The following PEX5 variants were observed in gnomAD, a reference collection of about 807,000 sequenced individuals.
The protein encoded by PEX5 is peroxisomal biogenesis factor 5.
A neutral mutation model predicts 82.9 loss-of-function variants in PEX5; 52 were observed. The observed-to-expected ratio is 0.63, with a 90% confidence interval of 0.50 to 0.79. The LOEUF is 0.79. Ranked by LOEUF, PEX5 falls within the 30% of genes least tolerant of loss-of-function variation. The pLI, the probability that PEX5 is intolerant of heterozygous loss-of-function variation, is 0.00. For synonymous variants in PEX5, 300 were observed against 318.8 expected (o/e 0.94, Z 0.63); for missense variants, 719 against 815.2 (o/e 0.88, Z 1.44).
In PEX5 at chr12:7,210,458, A is replaced by G; in HGVS notation, c.*235A>G. 1.7e-6 allele frequency: 1 copy of G among 602,550 alleles called. No individual in the cohort carries two copies. Among genetic ancestry groups the G allele is most frequent in the Non-Finnish European group, 3.0e-6 (1 of 334,544 alleles). The allele number at this position is 602,550 out of a possible 1,614,324, so 37.3% of individuals were successfully genotyped here. ...TTGGTAATTCAAGGGCTGTACATCC[A>G]GCTACAGATCTCTCTGCTCATCATG... On this transcript the variant is annotated 3_prime_UTR_variant, in exon 16 of 16. Coordinates refer to ENST00000675855, the MANE Select transcript of PEX5 (RefSeq NM_001351132.2).
In PEX5 at chr12:7,191,557, C is replaced by T; in HGVS notation, c.317-12C>T. 6.2e-7 allele frequency: 1 copy of T among 1,613,976 alleles called. No individual in the cohort carries two copies. Among genetic ancestry groups the T allele is most frequent in the Non-Finnish European group, 8.5e-7 (1 of 1,179,948 alleles). On this transcript the variant is annotated splice_polypyrimidine_tract_variant and intron_variant, in intron 4 of 15. Coordinates refer to ENST00000675855, the MANE Select transcript of PEX5 (RefSeq NM_001351132.2). Reference sequence around the variant, plus strand: ...TGTATTCTTTCTTAGTTTTCTCTCTCTCTCTTTTAAGCCCCTGGTGTGGCA... The same window carrying T: ...TGTATTCTTTCTTAGTTTTCTCTCTTTCTCTTTTAAGCCCCTGGTGTGGCA...
intron 10 of PEX5, 92 bp downstream of exon 10, chr12:7,203,643 T>G: frequency 1.6e-6 from 2 of 1,272,834 alleles, no homozygotes; most frequent in Non-Finnish European, 2.2e-6. Context: ...TGCTTTTAAG[T>G]ATTTTCTTGA....
intron 5 of PEX5, among the ~76,000 whole-genome samples, chr12:7,192,562 C>T (rs965006823): frequency 5.3e-5 from 8 of 152,178 alleles, no homozygotes; most frequent in African/African-American, 1.9e-4. Context: ...GTCTCTTCAG[C>T]TTTCCTCTTC....
rs1555176221 is a variant in PEX5, at chr12:7,197,418, T to TATATGTCATATACAATGTAA, written c.449-1593_449-1592insATATGTCATATACAATGTAA. The stretch of plus-strand genomic sequence containing the variant: ...TATATATATGTCATATACAATGTAA[T>TATATGTCATATACAATGTAA]TATATGTCATATACAATGTAATTAT... On this transcript the variant is annotated intron_variant, in intron 5 of 15. Coordinates refer to ENST00000675855, the MANE Select transcript of PEX5 (RefSeq NM_001351132.2). Among the ~76,000 whole-genome samples, 6 of 28,890 alleles carry TATATGTCATATACAATGTAA rather than the reference T, an allele frequency of 2.1e-4. No homozygotes were observed. In the South Asian group the frequency reaches 5.5e-3, roughly 26 times the overall value. 19.0% of individuals were successfully genotyped at this position (28,890 alleles called of 152,430 possible).
At chr12:7,190,104 C>A in intron 1 of PEX5, 2 of 1,489,166 alleles carry the variant, frequency 1.3e-6, no homozygotes, top group South Asian at 2.6e-5. Context: ...TGCTGGCCCC[C>A]AGCCCATGGG....
chr12:7,191,801 CAT>C, intron 5 of PEX5, 101 bp downstream of exon 5: 3 of 1,131,842 alleles, frequency 2.7e-6, no homozygotes, highest in Non-Finnish European at 4.0e-6. Context: ...TTTCTGGTCT[CAT>C]GACTCATTTC....
chr12:7,201,119 G>A (rs950305278), intron 6 of PEX5, among the ~76,000 whole-genome samples: 3 of 148,278 alleles, frequency 2.0e-5, no homozygotes, highest in East Asian at 2.0e-4. Context: ...AACCAAAAGC[G>A]CATGCATGTG....
At chr12:7,190,004 T>C (rs1287407146) in intron 1 of PEX5, 1 of 1,504,338 alleles carries the variant, frequency 6.6e-7, no homozygotes, top group South Asian at 1.3e-5. Context: ...GTTTTCCCAC[T>C]GTCCCTTCTT....
chr12:7,210,450 G>A lies in PEX5; in HGVS notation c.*227G>A. ...TGAGTCCCTTGGTAATTCAAGGGCT[G>A]TACATCCAGCTACAGATCTCTCTGC... is the stretch of plus-strand genomic sequence containing the variant. On this transcript the variant is annotated 3_prime_UTR_variant, in exon 16 of 16. Coordinates refer to ENST00000675855, the MANE Select transcript of PEX5 (RefSeq NM_001351132.2). 1 of 611,326 alleles carries A rather than the reference G, an allele frequency of 1.6e-6. No individual in the cohort carries two copies. Among genetic ancestry groups the A allele is most frequent in the Non-Finnish European group, 2.9e-6 (1 of 339,116 alleles). The allele number at this position is 611,326 out of a possible 1,614,324, so 37.9% of individuals were successfully genotyped here.
intron 17 of PEX5, among the ~76,000 whole-genome samples, chr12:7,217,978 G>T (rs1281634444): frequency 6.6e-6 from 1 of 152,188 alleles, no homozygotes; most frequent in Non-Finnish European, 1.5e-5. Flanking sequence ...TGCAGAGTGG[G>T]ATGGCAACTT....
intron 6 of PEX5, among the ~76,000 whole-genome samples, chr12:7,200,964 T>C (rs1299200420): frequency 6.6e-6 from 1 of 152,146 alleles, no homozygotes; most frequent in Non-Finnish European, 1.5e-5. Flanking sequence ...CCCCTTGGGT[T>C]ATTACTCCTG....
At chr12:7,196,103 ATTTC>A (rs997124243) in intron 5 of PEX5, among the ~76,000 whole-genome samples, 14 of 118,584 alleles carry the variant, frequency 1.2e-4, no homozygotes, top group African/African-American at 3.7e-4. Context: ...GTTATAACGT[ATTTC>A]TTATTACATT....
downstream of PEX5, among the ~76,000 whole-genome samples, chr12:7,213,986 TG>T (rs1305790207): frequency 5.4e-5 from 3 of 55,832 alleles, no homozygotes; most frequent in East Asian, 8.6e-4. Flanking sequence ...TCACCATCAC[TG>T]GCCATCAGAG....
chr12:7,202,625 C>T lies in PEX5; in HGVS notation c.767C>T (p.Ala256Val). ...TTTTTGTCGCAGGGTACATCAGATG[C>T]CTGGGTTGACCAGTTCACAAGACCA... ...EFIQQQGTSD[A>V]WVDQFTRPVN... The change falls in exon 9 of 16, where the codon GCC becomes GTC. Residue 256 changes from alanine to valine, a missense_variant. Transcript: ENST00000675855. 4 of 1,613,918 alleles carry T rather than the reference C, an allele frequency of 2.5e-6. No individual in the cohort carries two copies. Among genetic ancestry groups the T allele is most frequent in the Non-Finnish European group, 3.4e-6 (4 of 1,179,874 alleles).
Position 7,208,875 on chromosome 12 carries a change from G to A in PEX5, c.1395-130G>A, listed in dbSNP as rs76765198. On this transcript the variant is annotated intron_variant, in intron 13 of 15. Coordinates refer to ENST00000675855, the MANE Select transcript of PEX5 (RefSeq NM_001351132.2). ...AAAACAGGCTTCTATATTGGACTTTGAGAGTAGAAGAGATGACTGATAGAT... is the reference window on the plus strand; with the variant it reads ...AAAACAGGCTTCTATATTGGACTTTAAGAGTAGAAGAGATGACTGATAGAT... 8.3e-5 allele frequency: 81 copies of A among 970,934 alleles called. 1 individual carries two copies. The East Asian group carries it at 1.9e-3, about 22-fold the overall frequency. The allele number at this position is 970,934 out of a possible 1,614,324, so 60.1% of individuals were successfully genotyped here.
At chr12:7,197,230 CAT>C (rs1403069383) in intron 5 of PEX5, among the ~76,000 whole-genome samples, 1 of 43,788 alleles carries the variant, frequency 2.3e-5, no homozygotes, top group East Asian at 3.7e-4. Flanking sequence ...TTATATATGT[CAT>C]ATGTAATAAT....
intron 5 of PEX5, among the ~76,000 whole-genome samples, chr12:7,196,264 CATA>C (rs1209837864): frequency 1.3e-4 from 2 of 15,326 alleles, no homozygotes; most frequent in Admixed American, 1.0e-3. Context: ...TTATATATGT[CATA>C]ATTTATATAT....
chr12:7,217,905 C>T (rs934209821), intron 17 of PEX5, among the ~76,000 whole-genome samples: 4 of 152,240 alleles, frequency 2.6e-5, no homozygotes, highest in African/African-American at 4.8e-5. Context: ...AGTCCCTTCA[C>T]AGTCAGTCCC....
rs1405636754 is a variant in PEX5, at chr12:7,209,075, G to C, written c.1465G>C (p.Asp489His). ...VRLDPTSIDP[D>H]VQCGLGVLFN... ...GCTGGACCCTACCTCCATTGACCCT[G>C]ATGTGCAGTGTGGCTTGGGAGTCCT... The change falls in exon 14 of 16, where the codon GAT becomes CAT. Residue 489 changes from aspartate (D) to histidine (H), a missense_variant. By Grantham distance (81) the Asp-to-His change is moderately conservative (BLOSUM62 -1). Transcript: ENST00000675855. 3 of 1,614,110 alleles carry C rather than the reference G, an allele frequency of 1.9e-6. No homozygotes were observed. Among genetic ancestry groups the C allele is most frequent in the Non-Finnish European group, 2.5e-6 (3 of 1,179,978 alleles).
Sources: allele counts gnomAD v4.1 joint callset (sites outside exome capture counted in the v4.1 genomes callset), GRCh38; gene constraint gnomAD v4.1.1; transcripts MANE v1.5; gene names NCBI Gene and HGNC (gene_info 2026-07-23, HGNC 2026-07-21).